The following CNOT4 variants were observed in gnomAD, a reference collection of about 807,000 sequenced individuals.
CNOT4 encodes the protein CCR4-associated factor 4.
A neutral mutation model predicts 73.8 loss-of-function variants in CNOT4; 8 were observed. The ratio of observed to expected loss-of-function variants is 0.11; its 90% CI spans 0.06 to 0.20. The LOEUF is 0.20. Ranked by LOEUF, CNOT4 falls within the 10% of genes least tolerant of loss-of-function variation. The probability of loss-of-function intolerance (pLI) is 1.00; values close to 1 mark genes in which losing one functional copy is unlikely to be tolerated. For missense variants in CNOT4, 564 were observed against 883.4 expected (o/e 0.64, Z 4.58); for synonymous variants, 293 against 321.1 (o/e 0.91, Z 0.94).
chr7:135,474,276 ATTTTTTTTT>A (rs869203152), intron 1 of CNOT4, among the ~76,000 whole-genome samples: 7 of 88,000 alleles, frequency 8.0e-5, no homozygotes, highest in African/African-American at 2.0e-4. Context: ...CTGTGCCCAA[ATTTTTTTTT>A]TTTTTTTTTT....
intron 2 of CNOT4, among the ~76,000 whole-genome samples, chr7:135,424,790 AAAACAAACAAAC>A (rs546726997): frequency 5.3e-5 from 8 of 151,992 alleles, no homozygotes; most frequent in African/African-American, 9.7e-5. Context: ...CTCCTTCTCA[AAAACAAACAAAC>A]AAACAAACAA....
At chr7:135,476,025 G>A (rs1801969814) in intron 1 of CNOT4, among the ~76,000 whole-genome samples, 1 of 152,162 alleles carries the variant, frequency 6.6e-6, no homozygotes, top group East Asian at 1.9e-4. Context: ...ATACTCTGAT[G>A]AAAATTCATT....
chr7:135,429,677 A>C (rs1287382550), intron 2 of CNOT4, among the ~76,000 whole-genome samples: 5 of 152,236 alleles, frequency 3.3e-5, no homozygotes, highest in Non-Finnish European at 5.9e-5. Context: ...ACTTCCAGCC[A>C]TGAAAGTAAC....
At chr7:135,420,494 T>G (rs1233054152) in intron 3 of CNOT4, among the ~76,000 whole-genome samples, 3 of 149,916 alleles carry the variant, frequency 2.0e-5, no homozygotes, top group African/African-American at 7.4e-5. Flanking sequence ...CAAGAATCAC[T>G]TGAGCCCAGG....
chr7:135,491,263 G>A (rs1290885691), intron 1 of CNOT4, among the ~76,000 whole-genome samples: 2 of 152,200 alleles, frequency 1.3e-5, no homozygotes, highest in Non-Finnish European at 2.9e-5. Flanking sequence ...AATATTCAAA[G>A]CCACCAAACT....
At chr7:135,480,464 T>A (rs1364987710) in intron 1 of CNOT4, among the ~76,000 whole-genome samples, 1 of 152,216 alleles carries the variant, frequency 6.6e-6, no homozygotes, top group Non-Finnish European at 1.5e-5. Context: ...ACAATTCAAC[T>A]TACATACAGT....
intron 10 of CNOT4, among the ~76,000 whole-genome samples, chr7:135,372,536 C>T (rs1383577113): frequency 1.3e-5 from 2 of 151,844 alleles, no homozygotes; most frequent in Non-Finnish European, 2.9e-5. Flanking sequence ...AACATATAAC[C>T]CTGAACGTTT....
intron 1 of CNOT4, among the ~76,000 whole-genome samples, chr7:135,440,000 A>C (rs1799379191): frequency 1.3e-5 from 2 of 152,032 alleles, no homozygotes; most frequent in Admixed American, 1.3e-4. Context: ...AAAAAAAAAC[A>C]GATTTTTTTA....
intron 4 of CNOT4, 73 bp from the exon 5 acceptor site, chr7:135,414,505 C>A: frequency 1.4e-6 from 1 of 722,126 alleles, no homozygotes; most frequent in South Asian, 1.7e-5. Context: ...CTACTGCAAC[C>A]TAGGGAATTC....
chr7:135,422,237 G>A lies in CNOT4; in HGVS notation c.291C>T (p.Arg97=), dbSNP rs1798233518. The change falls in exon 3 of 12, where the codon CGC becomes CGT. Residue 97 remains arginine, a synonymous_variant. Transcript: ENST00000541284. ...CGACACGTACACTAGCCAAATGTTT[G>A]CGATTTTCTGATATTTTCTGTTTTC... is the stretch of plus-strand genomic sequence containing the variant. ...NERKQKISEN[R]KHLASVRVVQ... 6.2e-7 allele frequency: 1 copy of A among 1,607,804 alleles called. No homozygotes were observed. The highest frequency in any genetic ancestry group is 1.3e-5 in the African/African-American group (1 of 74,748).
At chr7:135,413,425 T>C (rs564531988) in intron 6 of CNOT4, 63 bp downstream of exon 6, 188 of 1,573,836 alleles carry the variant, frequency 1.2e-4, no homozygotes, top group Admixed American at 5.4e-4. Flanking sequence ...TTTGCAATGT[T>C]AACTAATAAA....
chr7:135,366,912 C>G (rs969191705), intron 10 of CNOT4, among the ~76,000 whole-genome samples: 1 of 152,148 alleles, frequency 6.6e-6, no homozygotes, highest in African/African-American at 2.4e-5. Flanking sequence ...TTCCCTATTC[C>G]CTCCCAATGA....
At chr7:135,483,346 A>C (rs894396964) in intron 1 of CNOT4, among the ~76,000 whole-genome samples, 4 of 151,930 alleles carry the variant, frequency 2.6e-5, no homozygotes, top group African/African-American at 9.7e-5. Flanking sequence ...TCAAAAAAAA[A>C]AATAAAAATA....
intron 1 of CNOT4, among the ~76,000 whole-genome samples, chr7:135,468,460 G>T (rs1297099743): frequency 3.3e-5 from 5 of 151,908 alleles, no homozygotes; most frequent in African/African-American, 1.2e-4. Flanking sequence ...GCAGGTGGGT[G>T]ACCTGAGGTC....
intron 1 of CNOT4, among the ~76,000 whole-genome samples, chr7:135,441,710 T>A (rs1292086525): frequency 6.6e-6 from 1 of 152,218 alleles, no homozygotes; most frequent in East Asian, 1.9e-4. Context: ...TTGGGGCTTA[T>A]GAATAGAAAA....
chr7:135,498,451 T>C (rs1362108169), intron 1 of CNOT4, among the ~76,000 whole-genome samples: 2 of 152,206 alleles, frequency 1.3e-5, no homozygotes, highest in African/African-American at 4.8e-5. Flanking sequence ...GTCTAACTTG[T>C]GTTCTTTTGT....
rs71174521 is a variant in CNOT4, at chr7:135,420,577, C to CAAAA, written c.372+1575_372+1578dup. ...GGGTGACAAAGTGAGACCATGTCTC[C>CAAAA]AAAAAAAAAAAAAAAAAAAAAAGTA... On this transcript the variant is annotated intron_variant, in intron 3 of 11. Transcript: ENST00000541284. Among the ~76,000 whole-genome samples the CAAAA allele has an allele frequency of 2.5e-3, 132 of 53,342 alleles. 2 individuals carry two copies. Among genetic ancestry groups the CAAAA allele is most frequent in the Non-Finnish European group, 3.5e-3 (100 of 28,184 alleles). The allele number at this position is 53,342 out of a possible 152,430, so 35.0% of individuals were successfully genotyped here.
Position 135,406,261 on chromosome 7 carries a change from A to C in CNOT4, c.821+4254T>G, listed in dbSNP as rs149700497. On this transcript the variant is annotated intron_variant, in intron 7 of 11. Transcript: ENST00000541284. ...TTGGGCCATTAATTGTCACTTAATA[A>C]ATTTAGGTAACCGCATTAAAACAGA... 3.0e-3 allele frequency among the ~76,000 whole-genome samples: 451 copies of C among 151,752 alleles called. 1 individual carries two copies. Among genetic ancestry groups the C allele is most frequent in the African/African-American group, 9.9e-3 (412 of 41,438 alleles).
intron 1 of CNOT4, among the ~76,000 whole-genome samples, chr7:135,459,103 A>G (rs530671417): frequency 6.6e-6 from 1 of 152,082 alleles, no homozygotes; most frequent in Non-Finnish European, 1.5e-5. Context: ...GGACTGCAGA[A>G]TAGATGTTGT....
Sources: gnomAD v4.1 joint callset for allele counts (sites outside exome capture counted in the v4.1 genomes callset) on GRCh38, gnomAD v4.1.1 for gene constraint, MANE v1.5 for transcripts, NCBI Gene and HGNC (gene_info 2026-07-23, HGNC 2026-07-21) for gene names.